The following KLF12 variants were observed in gnomAD, a reference collection of about 807,000 sequenced individuals.
The protein encoded by KLF12 is KLF transcription factor 12.
A neutral mutation model predicts 37.8 loss-of-function variants in KLF12; 9 were observed. The observed-to-expected ratio is 0.24, with a 90% CI of 0.14 to 0.42. KLF12 has a LOEUF of 0.42. KLF12 is among the 10% of genes least tolerant of loss of function. KLF12 has a pLI of 1.00. For missense variants in KLF12, 411 were observed against 516.0 expected (o/e 0.80, Z 1.97); for synonymous variants, 208 against 202.1 (o/e 1.03, Z -0.25).
At chr13:73,738,586 A>G (rs1877705443) in intron 6 of KLF12, among the ~76,000 whole-genome samples, 1 of 152,194 alleles carries the variant, frequency 6.6e-6, no homozygotes, top group Non-Finnish European at 1.5e-5. Context: ...TGTTTGGGGA[A>G]AAACAACAAC....
chr13:74,220,192 A>C, the KLF12 span, among the ~76,000 whole-genome samples: 1 of 152,090 alleles, frequency 6.6e-6, no homozygotes, highest in Non-Finnish European at 1.5e-5. Flanking sequence ...AGTTGCTGTT[A>C]AATTCATGTT....
At chr13:73,948,904 T>C (rs1479705873) in intron 2 of KLF12, among the ~76,000 whole-genome samples, 1 of 152,206 alleles carries the variant, frequency 6.6e-6, no homozygotes, top group Non-Finnish European at 1.5e-5. Context: ...AATCACACAG[T>C]GGCATGAAGC....
chr13:73,928,669 C>T (rs1421554833), intron 3 of KLF12, among the ~76,000 whole-genome samples: 1 of 152,110 alleles, frequency 6.6e-6, no homozygotes, highest in Non-Finnish European at 1.5e-5. Context: ...TTCTTCAAGA[C>T]CTGCAAAAAT....
chr13:74,123,622 A>G (rs755494791), intron 1 of KLF12, among the ~76,000 whole-genome samples: 1 of 152,208 alleles, frequency 6.6e-6, no homozygotes, highest in Non-Finnish European at 1.5e-5. Flanking sequence ...CAACGGGTTG[A>G]TCTCTCTGGG....
rs1388580417 is a variant in KLF12 at position 73,689,118 on chromosome 13, C to T, written c.*6372G>A. The T allele has an allele frequency of 6.6e-6, 1 of 152,010 alleles. No homozygotes were observed. Among genetic ancestry groups the T allele is most frequent in the Non-Finnish European group, 1.5e-5 (1 of 68,008 alleles). 9.4% of individuals were successfully genotyped at this position (152,010 alleles called of 1,614,324 possible). On this transcript the variant is annotated 3_prime_UTR_variant, in exon 8 of 8. Coordinates refer to ENST00000377669, the MANE Select transcript of KLF12 (RefSeq NM_007249.5). ...GCTGAATGTGTAACCTTTCAAGGTA[C>T]TTTAGTTTTTTCAGACAACACATGG...
intron 3 of KLF12, among the ~76,000 whole-genome samples, chr13:73,894,204 A>G (rs1409865940): frequency 2.0e-5 from 3 of 152,214 alleles, no homozygotes; most frequent in Non-Finnish European, 4.4e-5. Flanking sequence ...AGATAAAGCA[A>G]GGAGACGTTT....
At chr13:74,171,210 A>G in the KLF12 span, among the ~76,000 whole-genome samples, 2 of 152,178 alleles carry the variant, frequency 1.3e-5, no homozygotes, top group South Asian at 4.1e-4. Flanking sequence ...AGGGGAGTTA[A>G]GATTTTACTG....
At chr13:73,812,366 G>A (rs1882982953) in intron 5 of KLF12, among the ~76,000 whole-genome samples, 1 of 135,932 alleles carries the variant, frequency 7.4e-6, no homozygotes, top group East Asian at 2.2e-4. Context: ...TTCTAGGAGT[G>A]TAGAACTTAT....
At chr13:74,245,693 G>A in the KLF12 span, among the ~76,000 whole-genome samples, 10 of 151,988 alleles carry the variant, frequency 6.6e-5, no homozygotes, top group Non-Finnish European at 8.8e-5. Flanking sequence ...AAAATTTGTT[G>A]TTTTATGAAC....
chr13:74,161,089 G>A, the KLF12 span, among the ~76,000 whole-genome samples: 1 of 146,606 alleles, frequency 6.8e-6, no homozygotes, highest in East Asian at 2.1e-4. Flanking sequence ...TTTTTTAATT[G>A]ACAAGGGAGT....
At chr13:73,755,714 C>G (rs562414107) in intron 6 of KLF12, among the ~76,000 whole-genome samples, 1 of 151,628 alleles carries the variant, frequency 6.6e-6, no homozygotes, top group Non-Finnish European at 1.5e-5. Flanking sequence ...TTTGGTGCAC[C>G]CATCACCTGA....
intron 7 of KLF12, among the ~76,000 whole-genome samples, chr13:73,712,177 A>G (rs143806298): frequency 3.5e-4 from 54 of 152,126 alleles, no homozygotes; most frequent in African/African-American, 1.1e-3. Context: ...TGTCTCTACT[A>G]AAAATACAAA....
chr13:74,242,353 C>T, the KLF12 span, among the ~76,000 whole-genome samples: 4 of 152,278 alleles, frequency 2.6e-5, no homozygotes, highest in Admixed American at 6.5e-5. Context: ...GCCTCACAAT[C>T]GTGGTGGAAG....
chr13:74,073,009 T>C (rs984679186), intron 1 of KLF12, among the ~76,000 whole-genome samples: 24 of 152,292 alleles, frequency 1.6e-4, no homozygotes, highest in Non-Finnish European at 2.8e-4. Flanking sequence ...GTTCTCATGA[T>C]TGTGAGTGTC....
chr13:73,720,367 A>T (rs1876145867), intron 6 of KLF12, among the ~76,000 whole-genome samples: 1 of 93,580 alleles, frequency 1.1e-5, no homozygotes, highest in Admixed American at 1.1e-4. Flanking sequence ...TTTTATAAAG[A>T]ATGGGAATGT....
At chr13:74,031,696 T>C (rs369585399) in intron 1 of KLF12, among the ~76,000 whole-genome samples, 51 of 150,394 alleles carry the variant, frequency 3.4e-4, no homozygotes, top group African/African-American at 1.2e-3. Context: ...AATATCATGA[T>C]AGATATTCCA....
rs146210022 is a variant in KLF12, at chr13:73,818,516, C to T, written c.671-5229G>A. Among the ~76,000 whole-genome samples the T allele has an allele frequency of 7.2e-5, 11 of 152,378 alleles. No homozygotes were observed. In the East Asian group the frequency reaches 2.1e-3, roughly 29 times the overall value. On this transcript the variant is annotated intron_variant, in intron 4 of 7. Coordinates refer to ENST00000377669, the MANE Select transcript of KLF12 (RefSeq NM_007249.5). ...GGACACTAATTCATTCTCACCTCCC[C>T]TCACCCCAGCCTGCCTGCTGTCTAA...
intron 6 of KLF12, among the ~76,000 whole-genome samples, chr13:73,758,335 C>T (rs1170919502): frequency 2.6e-5 from 4 of 152,132 alleles, no homozygotes; most frequent in Non-Finnish European, 4.4e-5. Context: ...TGATTTCAGA[C>T]TGTGTGAATT....
intron 1 of KLF12, among the ~76,000 whole-genome samples, chr13:74,080,922 C>T (rs938740798): frequency 2.6e-5 from 4 of 152,186 alleles, no homozygotes; most frequent in African/African-American, 7.2e-5. Flanking sequence ...TGCCATCTTC[C>T]TATCACTGAA....
Sources: gnomAD v4.1 joint callset for allele counts (sites outside exome capture counted in the v4.1 genomes callset) on GRCh38, gnomAD v4.1.1 for gene constraint, MANE v1.5 for transcripts, NCBI Gene and HGNC (gene_info 2026-07-23, HGNC 2026-07-21) for gene names.